The following FREM2 variants were observed in gnomAD, a reference collection of about 807,000 sequenced individuals.
The protein encoded by FREM2 is FRAS1 related extracellular matrix 2.
FREM2 carries 119 observed loss-of-function variants against 219.9 expected under a neutral mutation model. The ratio of observed to expected loss-of-function variants is 0.54; its 90% confidence interval spans 0.47 to 0.63. The LOEUF is 0.63. FREM2 is among the 30% of genes least tolerant of loss of function. The pLI, the probability that FREM2 is intolerant of heterozygous loss-of-function variation, is 0.00. For missense variants in FREM2, 4,030 were observed against 3,993.6 expected, an observed-to-expected ratio of 1.01 and a Z score of -0.25; for synonymous variants, 1,562 against 1,522.8, an observed-to-expected ratio of 1.03 and a Z score of -0.60.
At chr13:38,751,434 A>G (rs186482437) in intron 2 of FREM2, among the ~76,000 whole-genome samples, 3 of 151,996 alleles carry the variant, frequency 2.0e-5, no homozygotes, top group Non-Finnish European at 2.9e-5. Context: ...CACAAACCCT[A>G]CAGAGCTTGA....
chr13:38,707,117 TA>T (rs1025151506), intron 2 of FREM2, among the ~76,000 whole-genome samples: 6 of 152,158 alleles, frequency 3.9e-5, no homozygotes, highest in South Asian at 4.1e-4. Context: ...CTGCCCTTTA[TA>T]AAAAAAATTG....
chr13:38,722,737 C>A (rs1871336213), intron 2 of FREM2, among the ~76,000 whole-genome samples: 1 of 140,322 alleles, frequency 7.1e-6, no homozygotes, highest in African/African-American at 2.8e-5. Flanking sequence ...GAGGGTGTAG[C>A]TGGTAACGTT....
intron 7 of FREM2, among the ~76,000 whole-genome samples, chr13:38,847,030 GC>G (rs1210065145): frequency 1.1e-4 from 16 of 152,018 alleles, no homozygotes; most frequent in African/African-American, 3.9e-4. Context: ...GAATGTTGTA[GC>G]ATTATAAGCA....
chr13:38,748,752 C>T (rs1309134595), intron 2 of FREM2, among the ~76,000 whole-genome samples: 1 of 151,940 alleles, frequency 6.6e-6, no homozygotes, highest in African/African-American at 2.4e-5. Context: ...AATGTAATAC[C>T]TATTAACTAC....
At position 38,846,526 on chromosome 13, in the gene FREM2, T is replaced by C. The variant is rs9548502; in HGVS notation, c.6020-47T>C. On this transcript the variant is annotated intron_variant, in intron 6 of 23. Coordinates refer to ENST00000280481, the MANE Select transcript of FREM2 (RefSeq NM_207361.6). ...GGAAGCATGTCAATAGAGTTTGATG[T>C]GAAAAAATAAAAATAACAGAAATGA... The C allele has an allele frequency of 0.12, 188,407 of 1,596,482 alleles. 13,046 individuals carry two copies. The highest frequency in any genetic ancestry group is 0.29 in the Admixed American group (17,222 of 59,554).
intron 6 of FREM2, among the ~76,000 whole-genome samples, chr13:38,797,453 A>T (rs1349870722): frequency 1.3e-5 from 2 of 152,064 alleles, no homozygotes; most frequent in African/African-American, 4.8e-5. Flanking sequence ...GATTATTTGT[A>T]TTTTTTTAAA....
chr13:38,801,286 C>T (rs902109414), intron 6 of FREM2, among the ~76,000 whole-genome samples: 9 of 152,146 alleles, frequency 5.9e-5, no homozygotes, highest in Non-Finnish European at 1.2e-4. Flanking sequence ...TATCTTGTAT[C>T]TCACGGAGCT....
At chr13:38,782,856 T>G (rs2137829373) in intron 4 of FREM2, among the ~76,000 whole-genome samples, 1 of 152,362 alleles carries the variant, frequency 6.6e-6, no homozygotes, top group East Asian at 1.9e-4. Context: ...TGTTGGGTTT[T>G]GTTTTTAGAT....
intron 4 of FREM2, among the ~76,000 whole-genome samples, chr13:38,781,061 C>G (rs958593878): frequency 6.6e-6 from 1 of 152,158 alleles, no homozygotes; most frequent in Admixed American, 6.6e-5. Context: ...GAGTAAAAAC[C>G]AAAGGTCTTC....
intron 6 of FREM2, among the ~76,000 whole-genome samples, chr13:38,840,041 A>G (rs1876886470): frequency 2.0e-5 from 3 of 152,046 alleles, no homozygotes; most frequent in African/African-American, 7.2e-5. Context: ...GTCTGTCCAA[A>G]TGGCCACCCA....
Position 38,691,174 on chromosome 13 carries a change from T to C in FREM2, c.3830T>C (p.Phe1277Ser). The change falls in exon 1 of 24, where the codon TTT becomes TCT. Residue 1277 changes from phenylalanine to serine, a missense_variant. Coordinates refer to ENST00000280481, the MANE Select transcript of FREM2 (RefSeq NM_207361.6). ...GACTCCGAGACCCAGGAAGACAGTTTTGTGATTAAACTAACAGATGGGAAG... is the reference window on the plus strand; with the variant it reads ...GACTCCGAGACCCAGGAAGACAGTTCTGTGATTAAACTAACAGATGGGAAG... ...HDDSETQEDSFVIKLTDGKHS... is the reference protein window; with the variant it reads ...HDDSETQEDSSVIKLTDGKHS... The C allele has an allele frequency of 6.2e-7, 1 of 1,614,090 alleles. No homozygotes were observed. The highest frequency in any genetic ancestry group is 8.5e-7 in the Non-Finnish European group (1 of 1,180,008).
intron 2 of FREM2, among the ~76,000 whole-genome samples, chr13:38,731,536 G>A (rs1257907765): frequency 1.3e-5 from 2 of 152,110 alleles, no homozygotes; most frequent in East Asian, 1.9e-4. Context: ...CAGTAACCAC[G>A]CCGGACATGA....
intron 2 of FREM2, among the ~76,000 whole-genome samples, chr13:38,751,717 A>G (rs1331202574): frequency 6.6e-6 from 1 of 152,202 alleles, no homozygotes. Flanking sequence ...CTATATGTAA[A>G]CCAACTTTAT....
In FREM2 at chr13:38,722,009, T is replaced by C. The variant is rs572531084; in HGVS notation, c.5263+24222T>C. Among the ~76,000 whole-genome samples, 6 of 152,010 alleles carry C rather than the reference T, an allele frequency of 3.9e-5. No homozygotes were observed. In the East Asian group the frequency reaches 1.2e-3, roughly 29 times the overall value. On this transcript the variant is annotated intron_variant, in intron 2 of 23. Coordinates refer to ENST00000280481, the MANE Select transcript of FREM2 (RefSeq NM_207361.6). Reference sequence around the variant, plus strand: ...AATCCCTGGTACTGGGACACAAACATTGATTTTTGTTGTTGTTGTTTCTTT... The same window carrying C: ...AATCCCTGGTACTGGGACACAAACACTGATTTTTGTTGTTGTTGTTTCTTT...
At chr13:38,705,622 G>A (rs560535606) in intron 2 of FREM2, among the ~76,000 whole-genome samples, 1 of 152,096 alleles carries the variant, frequency 6.6e-6, no homozygotes, top group East Asian at 1.9e-4. Context: ...TATAAAGTTG[G>A]GATAATAACA....
intron 4 of FREM2, among the ~76,000 whole-genome samples, chr13:38,773,302 G>A (rs575705025): frequency 1.3e-5 from 2 of 152,072 alleles, no homozygotes; most frequent in African/African-American, 2.4e-5. Flanking sequence ...CTCTCTGGTT[G>A]GGAACCATGG....
intron 2 of FREM2, among the ~76,000 whole-genome samples, chr13:38,703,321 G>A (rs1870413001): frequency 6.6e-6 from 1 of 152,118 alleles, no homozygotes; most frequent in African/African-American, 2.4e-5. Context: ...AGCATTCTTG[G>A]CAATAAAATT....
chr13:38,695,295 C>T (rs1302648204), intron 1 of FREM2, among the ~76,000 whole-genome samples: 2 of 151,742 alleles, frequency 1.3e-5, no homozygotes, highest in Non-Finnish European at 2.9e-5. Context: ...TTTTTTGAAC[C>T]ATGAATTATT....
chr13:38,876,401 C>T lies in FREM2; in HGVS notation c.8544+19C>T, dbSNP rs1052247783. 1 of 1,605,688 alleles carries T rather than the reference C, an allele frequency of 6.2e-7. No homozygotes were observed. Among genetic ancestry groups the T allele is most frequent in the African/African-American group, 1.3e-5 (1 of 74,226 alleles). On this transcript the variant is annotated intron_variant, in intron 20 of 23. Transcript: ENST00000280481. ...CCAACAGGTGTGGCTTATAGAATTA[C>T]TATCTTATGACTTGCAGAATCCCAC...
Sources: gnomAD v4.1 joint callset for allele counts (sites outside exome capture counted in the v4.1 genomes callset) on GRCh38, gnomAD v4.1.1 for gene constraint, MANE v1.5 for transcripts, NCBI Gene and HGNC (gene_info 2026-07-23, HGNC 2026-07-21) for gene names.